DLGAP1: variants seen among roughly 807,000 people sequenced by gnomAD.
DLGAP1 encodes DLG associated protein 1.
In DLGAP1, 11 loss-of-function variants were observed where a neutral mutation model predicts 90.8. The observed-to-expected ratio is 0.12, with a 90% CI of 0.08 to 0.20. DLGAP1 has a LOEUF of 0.20. Among genes scored for constraint, DLGAP1 ranks in the 10% least tolerant of loss-of-function variants. The pLI is 1.00. For missense variants in DLGAP1, 1,050 were observed against 1,333.8 expected, an observed-to-expected ratio of 0.79 and a Z score of 3.31; for synonymous variants, 558 against 540.7, an observed-to-expected ratio of 1.03 and a Z score of -0.44.
At chr18:3,548,899 T>C (rs2053216339) in intron 9 of DLGAP1, among the ~76,000 whole-genome samples, 1 of 152,106 alleles carries the variant, frequency 6.6e-6, no homozygotes, top group Non-Finnish European at 1.5e-5. Flanking sequence ...TAGCTGGGTG[T>C]GCTGGCACAT....
intron 3 of DLGAP1, among the ~76,000 whole-genome samples, chr18:3,957,034 T>C (rs2073098742): frequency 6.6e-6 from 1 of 152,238 alleles, no homozygotes; most frequent in Non-Finnish European, 1.5e-5. Flanking sequence ...ATTCATGTTC[T>C]AATCCCCAGG....
chr18:4,338,081 T>G (rs1380226224), intron 1 of DLGAP1, among the ~76,000 whole-genome samples: 1 of 152,180 alleles, frequency 6.6e-6, no homozygotes, highest in Non-Finnish European at 1.5e-5. Flanking sequence ...TACCACTAAT[T>G]TTAGCATCCA....
intron 5 of DLGAP1, among the ~76,000 whole-genome samples, chr18:3,793,780 T>G (rs572051797): frequency 6.6e-6 from 1 of 152,196 alleles, no homozygotes; most frequent in Non-Finnish European, 1.5e-5. Flanking sequence ...CACAGCTGCA[T>G]GCCCCACTCT....
chr18:3,943,834 A>G lies in DLGAP1; in HGVS notation c.-73+61282T>C, dbSNP rs192240349. ...GGTCCTATGGGTGGGCCCTAATCCA[A>G]CATGACTGGCTTCCTTAGAAGAAGA... On this transcript the variant is annotated intron_variant, in intron 3 of 12. Transcript: ENST00000315677. Among the ~76,000 whole-genome samples, 210 of 152,286 alleles carry G rather than the reference A, an allele frequency of 1.4e-3. 1 individual carries two copies. The highest frequency in any genetic ancestry group is 2.4e-3 in the Non-Finnish European group (161 of 68,024).
intron 3 of DLGAP1, chr18:3,995,429 A>T (rs953457880): frequency 2.6e-5 from 4 of 152,204 alleles, no homozygotes; most frequent in Non-Finnish European, 2.9e-5. Context: ...ACTCTTTTGT[A>T]TCTTCTTCGG....
intron 1 of DLGAP1, among the ~76,000 whole-genome samples, chr18:4,197,188 T>TAAAAAAA (rs532844849): frequency 5.4e-5 from 4 of 73,738 alleles, no homozygotes; most frequent in Admixed American, 1.7e-4. Context: ...TAAAAAAAAG[T>TAAAAAAA]AAAAAAAAAA....
intron 1 of DLGAP1, among the ~76,000 whole-genome samples, chr18:4,282,656 T>C (rs558168954): frequency 6.6e-6 from 1 of 152,188 alleles, no homozygotes; most frequent in Non-Finnish European, 1.5e-5. Context: ...ATAGAAGCAT[T>C]AACAAATTTT....
chr18:4,278,763 T>A (rs937107823), intron 1 of DLGAP1, among the ~76,000 whole-genome samples: 20 of 81,158 alleles, frequency 2.5e-4, no homozygotes, highest in Non-Finnish European at 2.2e-5. Flanking sequence ...CACACACACA[T>A]ATTTTATCTA....
chr18:4,073,552 T>C (rs2075481588), intron 2 of DLGAP1, among the ~76,000 whole-genome samples: 1 of 152,196 alleles, frequency 6.6e-6, no homozygotes. Flanking sequence ...GGTAGAAGCA[T>C]ATCTAAGAGT....
chr18:3,881,508 G>A (rs1599098616), intron 3 of DLGAP1, among the ~76,000 whole-genome samples: 1 of 152,116 alleles, frequency 6.6e-6, no homozygotes, highest in African/African-American at 2.4e-5. Flanking sequence ...TCCGGCTTAT[G>A]TTCCTTGCCT....
At chr18:4,150,891 T>G (rs1172991350) in intron 2 of DLGAP1, among the ~76,000 whole-genome samples, 1 of 152,190 alleles carries the variant, frequency 6.6e-6, no homozygotes, top group South Asian at 2.1e-4. Context: ...GTCCACAGAT[T>G]TATAAAAATG....
rs1002458554 is a variant in DLGAP1 at position 3,650,199 on chromosome 18, T to C, written c.1592-67951A>G. 1.2e-4 allele frequency among the ~76,000 whole-genome samples: 18 copies of C among 152,258 alleles called. No homozygotes were observed. In the East Asian group the frequency reaches 3.5e-3, roughly 29 times the overall value. On this transcript the variant is annotated intron_variant, in intron 7 of 12. Transcript: ENST00000315677. Reference sequence around the variant, plus strand: ...CTGGGACTACAGGCACCTGCCATCATGCCTGGCTAATTTTTTGTATTTTTA... The same window carrying C: ...CTGGGACTACAGGCACCTGCCATCACGCCTGGCTAATTTTTTGTATTTTTA...
intron 10 of DLGAP1, among the ~76,000 whole-genome samples, chr18:3,522,698 A>C (rs1250217298): frequency 6.7e-6 from 1 of 150,204 alleles, no homozygotes; most frequent in Non-Finnish European, 1.5e-5. Context: ...GCCCACCACC[A>C]CTCCTGGCTA....
intron 1 of DLGAP1, among the ~76,000 whole-genome samples, chr18:4,221,265 A>C (rs2078070635): frequency 6.6e-6 from 1 of 152,104 alleles, no homozygotes; most frequent in Admixed American, 6.6e-5. Context: ...GCCTGTTATA[A>C]TTAAACATTA....
At chr18:3,934,193 A>G (rs2072583933) in intron 3 of DLGAP1, among the ~76,000 whole-genome samples, 1 of 152,218 alleles carries the variant, frequency 6.6e-6, no homozygotes, top group African/African-American at 2.4e-5. Context: ...ATTCATTTTA[A>G]TTAGTGACCA....
chr18:3,704,657 T>G (rs544829947), intron 7 of DLGAP1, among the ~76,000 whole-genome samples: 11 of 152,104 alleles, frequency 7.2e-5, no homozygotes, highest in Non-Finnish European at 1.0e-4. Flanking sequence ...TTGATTTTTT[T>G]TTTTAAATCT....
chr18:3,722,694 C>G lies in DLGAP1; in HGVS notation c.1591+6441G>C, dbSNP rs564462637. On this transcript the variant is annotated intron_variant, in intron 7 of 12. Transcript: ENST00000315677. The stretch of plus-strand genomic sequence containing the variant: ...AAAGAAAGGTGCTTTGTTCAGAAAG[C>G]TTCTGATTGATATCTGTCCCTTTGA... 8 of 152,266 alleles carry G rather than the reference C, an allele frequency of 5.3e-5. No homozygotes were observed. In the East Asian group the frequency reaches 1.5e-3, roughly 29 times the overall value. The allele number at this position is 152,266 out of a possible 1,614,324, so 9.4% of individuals were successfully genotyped here. A position where few individuals can be genotyped will look rare whatever the true frequency, so the allele number is the denominator to read the frequency against.
chr18:3,871,044 GTGCCTTGGCCCCAT>G (rs2070721038), intron 4 of DLGAP1, among the ~76,000 whole-genome samples: 6 of 152,156 alleles, frequency 3.9e-5, no homozygotes, highest in Admixed American at 3.9e-4. Flanking sequence ...TTGCTTCCCT[GTGCCTTGGCCCCAT>G]TGCCTTAAAA....
At chr18:4,198,965 G>A (rs572551953) in intron 1 of DLGAP1, among the ~76,000 whole-genome samples, 1 of 152,212 alleles carries the variant, frequency 6.6e-6, no homozygotes, top group Non-Finnish European at 1.5e-5. Context: ...TGGGTGGAGG[G>A]CCAGCAAGAG....
Sources: allele counts gnomAD v4.1 joint callset (sites outside exome capture counted in the v4.1 genomes callset), GRCh38; gene constraint gnomAD v4.1.1; transcripts MANE v1.5; gene names NCBI Gene and HGNC (gene_info 2026-07-23, HGNC 2026-07-21).